LINGO2: variants seen among roughly 807,000 people sequenced by gnomAD.
The protein encoded by LINGO2 is leucine rich repeat and Ig domain containing 2, also known as leucine-rich repeat and immunoglobulin-like domain-containing nogo receptor-interacting protein 2.
LINGO2 carries 14 observed loss-of-function variants against 30.6 expected under a neutral mutation model. That is an observed-to-expected ratio of 0.46 (90% CI 0.30 to 0.72). LINGO2 has a LOEUF of 0.72. Among genes scored for constraint, LINGO2 ranks in the 30% least tolerant of loss-of-function variants. The pLI, the probability that LINGO2 is intolerant of heterozygous loss-of-function variation, is 0.07. For synonymous variants in LINGO2, 317 were observed against 288.5 expected (o/e 1.10, Z -1.00); for missense variants, 729 against 751.7 (o/e 0.97, Z 0.35).
At chr9:28,714,944 A>G in the LINGO2 span, among the ~76,000 whole-genome samples, 1 of 152,170 alleles carries the variant, frequency 6.6e-6, no homozygotes, top group Non-Finnish European at 1.5e-5. Context: ...TTTACAAAAG[A>G]GTGAATTTAG....
At chr9:28,960,281 C>G in the LINGO2 span, among the ~76,000 whole-genome samples, 3 of 152,176 alleles carry the variant, frequency 2.0e-5, no homozygotes, top group South Asian at 4.2e-4. Context: ...ACGAAGATTG[C>G]TTGAAGCCTG....
intron 4 of LINGO2, among the ~76,000 whole-genome samples, chr9:28,188,703 A>C (rs1479323423): frequency 6.6e-6 from 1 of 152,160 alleles, no homozygotes; most frequent in Non-Finnish European, 1.5e-5. Flanking sequence ...GTGACAAGCC[A>C]AGGAAAATGC....
At chr9:28,314,016 C>T (rs1175445977) in intron 3 of LINGO2, among the ~76,000 whole-genome samples, 1 of 152,118 alleles carries the variant, frequency 6.6e-6, no homozygotes, top group Non-Finnish European at 1.5e-5. Flanking sequence ...TCACTGCAGG[C>T]TCCACCCCGC....
At chr9:28,897,064 G>A in the LINGO2 span, among the ~76,000 whole-genome samples, 10 of 152,140 alleles carry the variant, frequency 6.6e-5, no homozygotes, top group Non-Finnish European at 1.3e-4. Context: ...ATGGAAAAAA[G>A]GAAGACAAAG....
chr9:28,950,307 T>C, the LINGO2 span, among the ~76,000 whole-genome samples: 5 of 152,170 alleles, frequency 3.3e-5, no homozygotes, highest in African/African-American at 1.2e-4. Flanking sequence ...GGGTAAAAAT[T>C]GGAAGCATTC....
At chr9:28,611,047 T>C (rs891188882) in intron 1 of LINGO2, among the ~76,000 whole-genome samples, 10 of 152,142 alleles carry the variant, frequency 6.6e-5, no homozygotes, top group African/African-American at 2.2e-4. Context: ...CTATTCTGAC[T>C]ACTGCAGAGC....
the LINGO2 span, among the ~76,000 whole-genome samples, chr9:28,753,428 G>C: frequency 6.6e-6 from 1 of 152,002 alleles, no homozygotes; most frequent in Non-Finnish European, 1.5e-5. Flanking sequence ...TCCAATCAAG[G>C]AAGCAAATTA....
intron 2 of LINGO2, among the ~76,000 whole-genome samples, chr9:28,415,976 C>A (rs752333628): frequency 1.3e-5 from 2 of 152,096 alleles, no homozygotes; most frequent in African/African-American, 4.8e-5. Flanking sequence ...TTGCAGGATA[C>A]AATACACCTT....
intron 1 of LINGO2, among the ~76,000 whole-genome samples, chr9:28,590,954 T>A (rs928914321): frequency 1.3e-5 from 2 of 152,246 alleles, no homozygotes; most frequent in East Asian, 3.9e-4. Context: ...GTGGCACATA[T>A]ACACCATGGA....
rs1588039956 is a variant in LINGO2 at position 28,661,093 on chromosome 9, T to C, written c.-365+9107A>G. On this transcript the variant is annotated intron_variant, in intron 1 of 5. Coordinates refer to ENST00000379992, the Ensembl canonical transcript of LINGO2. ...CAGAGGTGGAGTCTATTTGTCTATG[T>C]CTTGTTTCTGGGATGGGCTTGTAAC... is the stretch of plus-strand genomic sequence containing the variant. Among the ~76,000 whole-genome samples, 3 of 152,248 alleles carry C rather than the reference T, an allele frequency of 2.0e-5. No homozygotes were observed. In the South Asian group the frequency reaches 6.2e-4, roughly 32 times the overall value.
the LINGO2 span, among the ~76,000 whole-genome samples, chr9:28,741,790 G>C: frequency 6.6e-6 from 1 of 151,606 alleles, no homozygotes; most frequent in Non-Finnish European, 1.5e-5. Flanking sequence ...CCTAGAGTCT[G>C]GGTCTGCGTG....
the LINGO2 span, among the ~76,000 whole-genome samples, chr9:28,894,001 A>G: frequency 3.3e-5 from 5 of 150,748 alleles, no homozygotes; most frequent in East Asian, 2.0e-4. Flanking sequence ...AACATGCAGC[A>G]TTTGGTTTTT....
chr9:28,322,450 C>T, intron 3 of LINGO2, among the ~76,000 whole-genome samples: 1 of 6,714 alleles, frequency 1.5e-4, no homozygotes, highest in African/African-American at 1.7e-4. Flanking sequence ...CACACACACA[C>T]ACACACACAC....
the LINGO2 span, among the ~76,000 whole-genome samples, chr9:29,154,964 C>T: frequency 6.6e-6 from 1 of 152,180 alleles, no homozygotes; most frequent in African/African-American, 2.4e-5. Context: ...CATGCCATTT[C>T]CTAATGACAT....
chr9:27,984,762 T>C (rs151020521), intron 5 of LINGO2, among the ~76,000 whole-genome samples: 1 of 151,982 alleles, frequency 6.6e-6, no homozygotes, highest in Non-Finnish European at 1.5e-5. Context: ...GATCATGTGA[T>C]AATGAGTTTA....
At chr9:28,451,257 TC>T (rs1213980155) in intron 2 of LINGO2, among the ~76,000 whole-genome samples, 2 of 151,846 alleles carry the variant, frequency 1.3e-5, no homozygotes, top group African/African-American at 4.8e-5. Flanking sequence ...ACATTATCTC[TC>T]CAGACTTTAA....
the LINGO2 span, among the ~76,000 whole-genome samples, chr9:28,744,641 T>TGTGTGTGTGTGTGTGTA: frequency 5.8e-5 from 6 of 104,058 alleles, no homozygotes; most frequent in Admixed American, 8.4e-5. Flanking sequence ...TGTGTGTGTA[T>TGTGTGTGTGTGTGTGTA]TTTTTTTTTT....
chr9:28,241,080 C>A (rs939892250), intron 4 of LINGO2, among the ~76,000 whole-genome samples: 2 of 151,810 alleles, frequency 1.3e-5, no homozygotes, highest in African/African-American at 2.4e-5. Context: ...ACCATCCTGG[C>A]CAACATGGTG....
intron 4 of LINGO2, among the ~76,000 whole-genome samples, chr9:28,070,372 A>T (rs754016527): frequency 1.3e-5 from 2 of 152,054 alleles, no homozygotes; most frequent in Admixed American, 6.6e-5. Context: ...CTGACTTTAA[A>T]ACTTACACAT....
Sources: gnomAD v4.1 joint callset for allele counts (sites outside exome capture counted in the v4.1 genomes callset) on GRCh38, gnomAD v4.1.1 for gene constraint, MANE v1.5 for transcripts, NCBI Gene and HGNC (gene_info 2026-07-23, HGNC 2026-07-21) for gene names.